TSPAN16: variants seen among roughly 807,000 people sequenced by gnomAD.
TSPAN16 encodes tetraspanin-16.
In TSPAN16, 23 loss-of-function variants were observed where a neutral mutation model predicts 25.2. That is an observed-to-expected ratio of 0.91 (90% CI 0.66 to 1.29). The LOEUF (loss-of-function observed/expected upper bound fraction) is 1.29. TSPAN16 is among the 50% of genes most tolerant of loss of function. TSPAN16 has a pLI of 0.00. For missense variants in TSPAN16, 272 were observed against 299.9 expected, an observed-to-expected ratio of 0.91 and a Z score of 0.69; for synonymous variants, 123 against 124.4, an observed-to-expected ratio of 0.99 and a Z score of 0.08.
intron 6 of TSPAN16, chr19:11,325,258 A>C: frequency 8.3e-6 from 5 of 605,412 alleles, no homozygotes; most frequent in Non-Finnish European, 1.1e-5. Context: ...TTGTGAAGGA[A>C]TGAGCCATGC....
chr19:11,321,868 A>T (rs1305172204), intron 6 of TSPAN16, among the ~76,000 whole-genome samples: 1 of 152,040 alleles, frequency 6.6e-6, no homozygotes, highest in Non-Finnish European at 1.5e-5. Context: ...GTTGAGGGAA[A>T]TAGTGTCCTC....
At chr19:11,301,717 C>T (rs967139939) in intron 4 of TSPAN16, among the ~76,000 whole-genome samples, 1 of 151,922 alleles carries the variant, frequency 6.6e-6, no homozygotes, top group African/African-American at 2.4e-5. Flanking sequence ...GGGAGGATCA[C>T]TTGAGTCCAG....
chr19:11,308,674 C>T (rs544561363), intron 5 of TSPAN16, among the ~76,000 whole-genome samples: 2 of 152,108 alleles, frequency 1.3e-5, no homozygotes, highest in East Asian at 1.9e-4. Flanking sequence ...GGGGTTTCAC[C>T]GTGTTAGCCA....
rs1411613740 is a variant in TSPAN16 at position 11,296,275 on chromosome 19, C to T, written c.-23C>T. 1.2e-6 allele frequency: 2 copies of T among 1,611,952 alleles called. No individual in the cohort carries two copies. The highest frequency in any genetic ancestry group is 2.2e-5 in the East Asian group (1 of 44,844). ...TCAGGAAGATGTTAACTTAAATGTT[C>T]AGGGTGCCCCAGTCTGTTCAGCATG... On this transcript the variant is annotated 5_prime_UTR_variant, in exon 1 of 7. Coordinates refer to ENST00000590327, the MANE Select transcript of TSPAN16 (RefSeq NM_001282509.2).
chr19:11,301,227 C>T lies in TSPAN16; in HGVS notation c.369C>T (p.Thr123=). The T allele has an allele frequency of 2.5e-6, 4 of 1,614,008 alleles. No homozygotes were observed. The highest frequency in any genetic ancestry group is 3.4e-6 in the Non-Finnish European group (4 of 1,179,964). Residue 123 remains threonine (T), a synonymous_variant, in exon 4 of 7, where the codon ACC becomes ACT. Coordinates refer to ENST00000590327, the MANE Select transcript of TSPAN16 (RefSeq NM_001282509.2). The part of the protein sequence containing the change: ...PIVGDVALEH[T]FVTLRKNYRG... ...TTGGAGATGTGGCCTTGGAACACACCTTCGTGACCCTGAGGAAGAATTACA... is the reference window on the plus strand; with the variant it reads ...TTGGAGATGTGGCCTTGGAACACACTTTCGTGACCCTGAGGAAGAATTACA...
At chr19:11,311,035 C>T (rs1309754884) in intron 5 of TSPAN16, among the ~76,000 whole-genome samples, 1 of 152,208 alleles carries the variant, frequency 6.6e-6, no homozygotes, top group South Asian at 2.1e-4. Flanking sequence ...CGGGGTTTCG[C>T]TACGTTGTCC....
chr19:11,302,528 CAAAAAAAAAAAA>C (rs71164181), intron 4 of TSPAN16, among the ~76,000 whole-genome samples: 1 of 49,270 alleles, frequency 2.0e-5, no homozygotes, highest in Non-Finnish European at 3.7e-5. Context: ...GGCTCCATCT[CAAAAAAAAAAAA>C]AAAAAAAAAA....
At chr19:11,298,986 A>G in intron 3 of TSPAN16, 40 bp downstream of exon 3, 1 of 1,602,904 alleles carries the variant, frequency 6.2e-7, no homozygotes. Context: ...CATTAGAAAG[A>G]TAAAGAACCA....
chr19:11,310,244 G>A (rs1018905359), intron 5 of TSPAN16, among the ~76,000 whole-genome samples: 1 of 152,020 alleles, frequency 6.6e-6, no homozygotes, highest in African/African-American at 2.4e-5. Context: ...GAAGGAAGAA[G>A]GCCGGGTGTG....
chr19:11,307,306 G>C (rs1355629178), intron 5 of TSPAN16, among the ~76,000 whole-genome samples: 1 of 147,700 alleles, frequency 6.8e-6, no homozygotes, highest in South Asian at 2.1e-4. Context: ...TTTTACTAGA[G>C]ATGGGGTTTC....
At chr19:11,298,820 C>T (rs1416268534) in intron 2 of TSPAN16, 52 bp from the exon 3 acceptor site, 27 of 1,549,192 alleles carry the variant, frequency 1.7e-5, no homozygotes, top group South Asian at 1.2e-4. Flanking sequence ...GGTATAAGGT[C>T]GGGAGGAGGC....
intron 6 of TSPAN16, chr19:11,326,691 C>A: frequency 1.5e-6 from 1 of 656,448 alleles, no homozygotes. Flanking sequence ...GCAGCCTCAA[C>A]CTCCTGGGCT....
intron 5 of TSPAN16, among the ~76,000 whole-genome samples, chr19:11,310,957 C>G (rs1008186318): frequency 6.6e-6 from 1 of 152,094 alleles, no homozygotes; most frequent in East Asian, 1.9e-4. Flanking sequence ...CCCGTCTCAG[C>G]CCCCCAAGTA....
rs2080699638 is a variant in TSPAN16 at position 11,312,210 on chromosome 19, T to C, written c.675T>C (p.Ala225=). The part of the protein sequence containing the change: ...SFTLSGSSLG[A]AVIQLPGILA... ...CCCTGAGTGGGAGCTCTCTGGGAGCTGCAGTGATACAGGTAAGACCCAGCC... is the reference window on the plus strand; with the variant it reads ...CCCTGAGTGGGAGCTCTCTGGGAGCCGCAGTGATACAGGTAAGACCCAGCC... Residue 225 remains alanine, a synonymous_variant, in exon 6 of 7, where the codon GCT becomes GCC. Transcript: ENST00000590327. The C allele has an allele frequency of 6.2e-6, 10 of 1,611,244 alleles. No homozygotes were observed. Among genetic ancestry groups the C allele is most frequent in the Non-Finnish European group, 8.5e-6 (10 of 1,178,990 alleles).
At chr19:11,325,338 G>A (rs112427764) in intron 6 of TSPAN16, 16 of 1,154,604 alleles carry the variant, frequency 1.4e-5, no homozygotes, top group African/African-American at 6.2e-5. Context: ...TGTGGCTCAC[G>A]CCTCGATCAC....
chr19:11,306,772 G>A lies in TSPAN16; in HGVS notation c.603+16G>A. On this transcript the variant is annotated intron_variant, in intron 5 of 6. Coordinates refer to ENST00000590327, the MANE Select transcript of TSPAN16 (RefSeq NM_001282509.2). ...CCACCAGAAGGTAACTGGAGATTTT[G>A]TGTGTTGCCTTGACAGACCCCTGAG... 1 of 1,611,990 alleles carries A rather than the reference G, an allele frequency of 6.2e-7. No homozygotes were observed. Among genetic ancestry groups the A allele is most frequent in the South Asian group, 1.1e-5 (1 of 90,892 alleles).
At chr19:11,314,853 C>T (rs2080729253) in intron 6 of TSPAN16, among the ~76,000 whole-genome samples, 1 of 152,110 alleles carries the variant, frequency 6.6e-6, no homozygotes, top group Non-Finnish European at 1.5e-5. Flanking sequence ...CGTCTTCTCC[C>T]GGTGCTTCCT....
chr19:11,316,086 GGTGTGTGTGT>G (rs147500274), downstream of TSPAN16: 7,512 of 257,518 alleles, frequency 0.029, 673 homozygotes, highest in African/African-American at 0.2. Context: ...AATTATTCTT[GGTGTGTGTGT>G]GTGTGTGTGT....
chr19:11,306,579 C>G (rs1215282450), intron 4 of TSPAN16, 25 bp from the exon 5 acceptor site: 1 of 1,612,138 alleles, frequency 6.2e-7, no homozygotes, highest in Non-Finnish European at 8.5e-7. Flanking sequence ...AGGGACTCTC[C>G]AAGTATTTCT....
Sources: gnomAD v4.1 joint callset for allele counts (sites outside exome capture counted in the v4.1 genomes callset) on GRCh38, gnomAD v4.1.1 for gene constraint, MANE v1.5 for transcripts, NCBI Gene and HGNC (gene_info 2026-07-23, HGNC 2026-07-21) for gene names.